MTUS2: variants seen among roughly 807,000 people sequenced by gnomAD.
MTUS2 encodes microtubule-associated tumor suppressor candidate 2.
Under a neutral mutation model 114.1 loss-of-function variants are expected in MTUS2, and 40 were observed. That is an observed-to-expected ratio of 0.35 (90% CI 0.27 to 0.46). The LOEUF is 0.46. Among genes scored for constraint, MTUS2 ranks in the 20% least tolerant of loss-of-function variants. MTUS2 has a pLI of 1.00. For missense variants in MTUS2, 1,679 were observed against 1,705.4 expected, an observed-to-expected ratio of 0.98 and a Z score of 0.27; for synonymous variants, 688 against 672.0, an observed-to-expected ratio of 1.02 and a Z score of -0.37.
intron 7 of MTUS2, among the ~76,000 whole-genome samples, chr13:29,351,076 G>T (rs1327910286): frequency 6.6e-6 from 1 of 151,482 alleles, no homozygotes; most frequent in Non-Finnish European, 1.5e-5. Context: ...TGCCACCACA[G>T]GTGGAAGTGG....
chr13:29,366,033 G>T (rs1417263027), intron 8 of MTUS2, among the ~76,000 whole-genome samples: 1 of 152,206 alleles, frequency 6.6e-6, no homozygotes, highest in African/African-American at 2.4e-5. Context: ...TAAGGGTCCA[G>T]TTTCAAGGAC....
chr13:28,839,895 T>G (rs1177285834), intron 2 of MTUS2, 45 bp downstream of exon 2: 1 of 152,082 alleles, frequency 6.6e-6, no homozygotes, highest in Admixed American at 6.6e-5. Context: ...TCCATTCTAT[T>G]TGGGCCTGTG....
chr13:29,181,067 A>G lies in MTUS2; in HGVS notation c.2644+80097A>G, dbSNP rs537940255. On this transcript the variant is annotated intron_variant, in intron 5 of 15. Coordinates refer to ENST00000612955, the MANE Select transcript of MTUS2 (RefSeq NM_001033602.4). ...ATCTTCCAGAAGAAACAATATGGCA[A>G]TTCTTCCCCTTTTCGCCATTTCAAA... Among the ~76,000 whole-genome samples the G allele has an allele frequency of 1.3e-4, 20 of 152,254 alleles. No individual in the cohort carries two copies. In the East Asian group the frequency reaches 2.3e-3, roughly 18 times the overall value.
intron 5 of MTUS2, among the ~76,000 whole-genome samples, chr13:29,252,033 A>G (rs1337745984): frequency 6.6e-6 from 1 of 152,208 alleles, no homozygotes; most frequent in Non-Finnish European, 1.5e-5. Flanking sequence ...ACAGTGAGAA[A>G]TTAGAACAAA....
intron 6 of MTUS2, among the ~76,000 whole-genome samples, chr13:29,285,674 T>C (rs147140216): frequency 6.6e-6 from 1 of 152,140 alleles, no homozygotes; most frequent in East Asian, 1.9e-4. Flanking sequence ...CACCCTCTGA[T>C]GTACTCGGCA....
At chr13:29,085,098 C>T (rs1032526360) in intron 4 of MTUS2, among the ~76,000 whole-genome samples, 3 of 152,156 alleles carry the variant, frequency 2.0e-5, no homozygotes, top group Non-Finnish European at 4.4e-5. Flanking sequence ...TCCCTTCTTT[C>T]TCTCTTTCTC....
At position 29,347,527 on chromosome 13, in the gene MTUS2, G is replaced by T. The variant is rs1353617788; in HGVS notation, c.2906-11735G>T. On this transcript the variant is annotated intron_variant, in intron 7 of 15. Transcript: ENST00000612955. The stretch of plus-strand genomic sequence containing the variant: ...TTTGGTTGGAGAACATACTTTGGAT[G>T]ATTAAAAAAAAAACCCTATTCCTCT... Among the ~76,000 whole-genome samples the T allele has an allele frequency of 2.9e-5, 4 of 136,876 alleles. No individual in the cohort carries two copies. The East Asian group carries it at 6.0e-4, about 21-fold the overall frequency. 89.8% of individuals were successfully genotyped at this position (136,876 alleles called of 152,430 possible).
At chr13:28,894,432 C>T (rs915339360) in intron 2 of MTUS2, among the ~76,000 whole-genome samples, 43 of 151,602 alleles carry the variant, frequency 2.8e-4, no homozygotes, top group African/African-American at 9.2e-4. Flanking sequence ...ATCTGCAAGC[C>T]GGGAAGGGGG....
At chr13:28,944,207 C>G (rs1882395629) in intron 2 of MTUS2, among the ~76,000 whole-genome samples, 1 of 151,924 alleles carries the variant, frequency 6.6e-6, no homozygotes, top group South Asian at 2.1e-4. Context: ...AAATATTTAT[C>G]TTTTCTTTAT....
chr13:29,417,661 C>A (rs1875765711), intron 8 of MTUS2, among the ~76,000 whole-genome samples: 1 of 152,028 alleles, frequency 6.6e-6, no homozygotes, highest in African/African-American at 2.4e-5. Flanking sequence ...TTAATCAACT[C>A]TTTATTATAT....
intron 8 of MTUS2, among the ~76,000 whole-genome samples, chr13:29,382,566 T>C (rs9508432): frequency 0.49 from 74,500 of 152,088 alleles, 20,034 homozygotes; most frequent in East Asian, 0.66. Flanking sequence ...ACTGAGTTCT[T>C]AGACTGTACA....
intron 5 of MTUS2, among the ~76,000 whole-genome samples, chr13:29,270,764 A>G (rs980687699): frequency 6.6e-6 from 1 of 152,132 alleles, no homozygotes; most frequent in Non-Finnish European, 1.5e-5. Context: ...GCTGCTCCTT[A>G]TCCTGCATCT....
chr13:29,463,790 G>A (rs1049036779), intron 9 of MTUS2, among the ~76,000 whole-genome samples: 1 of 152,192 alleles, frequency 6.6e-6, no homozygotes, highest in African/African-American at 2.4e-5. Context: ...CTTGAGGTCA[G>A]GAGTTCCAGA....
At chr13:28,846,189 G>C (rs1456516470) in intron 2 of MTUS2, among the ~76,000 whole-genome samples, 1 of 151,902 alleles carries the variant, frequency 6.6e-6, no homozygotes, top group African/African-American at 2.4e-5. Flanking sequence ...GCACTGATCT[G>C]AACTAGTTTG....
intron 4 of MTUS2, among the ~76,000 whole-genome samples, chr13:29,062,732 G>T (rs902753550): frequency 6.6e-6 from 1 of 152,008 alleles, no homozygotes; most frequent in Non-Finnish European, 1.5e-5. Context: ...CTAGGTTTAC[G>T]GTGGTCTTAA....
chr13:29,261,238 T>A (rs986467975), intron 5 of MTUS2, among the ~76,000 whole-genome samples: 2 of 152,202 alleles, frequency 1.3e-5, no homozygotes, highest in Non-Finnish European at 2.9e-5. Flanking sequence ...CAATTTCTTC[T>A]CCTTTAAAGA....
At chr13:28,998,956 G>T (rs1386920470) in intron 2 of MTUS2, among the ~76,000 whole-genome samples, 1 of 152,188 alleles carries the variant, frequency 6.6e-6, no homozygotes, top group Non-Finnish European at 1.5e-5. Context: ...TTTGGAGGAG[G>T]AGAGGCACTC....
At chr13:29,391,187 T>C (rs1160020975) in intron 8 of MTUS2, among the ~76,000 whole-genome samples, 1 of 152,142 alleles carries the variant, frequency 6.6e-6, no homozygotes, top group African/African-American at 2.4e-5. Context: ...TGTCCCGGGT[T>C]CAAGTGATTC....
chr13:29,085,507 A>G (rs2138750246), intron 4 of MTUS2, among the ~76,000 whole-genome samples: 1 of 152,326 alleles, frequency 6.6e-6, no homozygotes, highest in East Asian at 1.9e-4. Context: ...CTCAAAGTTT[A>G]GTTCCCATTT....
Sources: gnomAD v4.1 joint callset for allele counts (sites outside exome capture counted in the v4.1 genomes callset) on GRCh38, gnomAD v4.1.1 for gene constraint, MANE v1.5 for transcripts, NCBI Gene and HGNC (gene_info 2026-07-23, HGNC 2026-07-21) for gene names.